EPHB1: variants seen among roughly 807,000 people sequenced by gnomAD.
EPHB1 encodes ephrin type-B receptor 1.
Under a neutral mutation model 94.4 loss-of-function variants are expected in EPHB1, and 30 were observed. That is an observed-to-expected ratio of 0.32 (90% CI 0.24 to 0.43). The LOEUF (loss-of-function observed/expected upper bound fraction) is 0.43. Ranked by LOEUF, EPHB1 falls within the 20% of genes least tolerant of loss-of-function variation. The pLI, the probability that EPHB1 is intolerant of heterozygous loss-of-function variation, is 1.00. For synonymous variants in EPHB1, 522 were observed against 489.1 expected, an observed-to-expected ratio of 1.07 and a Z score of -0.89; for missense variants, 1,055 against 1,308.3, an observed-to-expected ratio of 0.81 and a Z score of 2.99.
chr3:134,952,405 A>C (rs928324921), intron 3 of EPHB1, among the ~76,000 whole-genome samples: 35 of 148,982 alleles, frequency 2.3e-4, no homozygotes, highest in Non-Finnish European at 4.6e-4. Flanking sequence ...ACACACACAC[A>C]CCCCTATATC....
intron 3 of EPHB1, among the ~76,000 whole-genome samples, chr3:134,959,966 CTTTTTTTTTTTTTTTTTTT>C (rs61369813): frequency 7.1e-4 from 76 of 107,408 alleles, no homozygotes; most frequent in East Asian, 1.2e-3. Context: ...ACATCTGCAC[CTTTTTTTTTTTTTTTTTTT>C]TTTTTTTTTT....
intron 3 of EPHB1, among the ~76,000 whole-genome samples, chr3:135,032,718 T>A (rs1244977101): frequency 1.3e-5 from 2 of 152,238 alleles, no homozygotes; most frequent in Non-Finnish European, 2.9e-5. Flanking sequence ...TTTTCTCAGA[T>A]GCCTTACAAT....
intron 1 of EPHB1, among the ~76,000 whole-genome samples, chr3:134,916,807 CAAGGTGCAGCGGCAGGCTGAAGGGCTCCT>C (rs1476144711): frequency 6.6e-6 from 1 of 152,222 alleles, no homozygotes; most frequent in East Asian, 1.9e-4. Context: ...GAAGGGCTCC[CAAGGTGCAGCGGCAGGCTGAAGGGCTCCT>C]CAAGCGCGGC....
At chr3:134,947,829 C>G (rs1223287441) in intron 2 of EPHB1, among the ~76,000 whole-genome samples, 1 of 152,206 alleles carries the variant, frequency 6.6e-6, no homozygotes, top group African/African-American at 2.4e-5. Flanking sequence ...GAGTCTTGCT[C>G]TGTCACCCAG....
intron 3 of EPHB1, among the ~76,000 whole-genome samples, chr3:135,032,642 T>C (rs1936515789): frequency 6.6e-6 from 1 of 152,178 alleles, no homozygotes; most frequent in Non-Finnish European, 1.5e-5. Flanking sequence ...GATTGATGAA[T>C]GGGTGCCATT....
chr3:134,992,806 G>C (rs1274566663), intron 3 of EPHB1, among the ~76,000 whole-genome samples: 2 of 152,152 alleles, frequency 1.3e-5, no homozygotes, highest in East Asian at 3.8e-4. Context: ...GCAGGAAATG[G>C]AACAAAATCT....
intron 3 of EPHB1, among the ~76,000 whole-genome samples, chr3:134,969,468 G>T (rs1330836544): frequency 6.6e-6 from 1 of 152,182 alleles, no homozygotes; most frequent in Non-Finnish European, 1.5e-5. Flanking sequence ...AGGCAGGTGT[G>T]GCCATGAGGA....
chr3:134,828,951 G>A (rs113390669), intron 1 of EPHB1, among the ~76,000 whole-genome samples: 122 of 152,332 alleles, frequency 8.0e-4, no homozygotes, highest in African/African-American at 2.9e-3. Flanking sequence ...ATGAGCTGGA[G>A]GAAGCTGGCA....
chr3:135,078,727 G>C (rs1213287434), intron 3 of EPHB1, among the ~76,000 whole-genome samples: 1 of 152,208 alleles, frequency 6.6e-6, no homozygotes, highest in African/African-American at 2.4e-5. Context: ...TCATAGCAAA[G>C]AGCGGCCTGG....
chr3:134,958,058 G>A (rs1933350838), intron 3 of EPHB1, among the ~76,000 whole-genome samples: 1 of 152,054 alleles, frequency 6.6e-6, no homozygotes. Context: ...CTCCTTCCTG[G>A]CTGCTTCTTC....
intron 1 of EPHB1, among the ~76,000 whole-genome samples, chr3:134,870,455 T>G (rs186275966): frequency 6.6e-6 from 1 of 152,286 alleles, no homozygotes; most frequent in African/African-American, 2.4e-5. Flanking sequence ...AAAGGGGAGT[T>G]TTCCTGCCAT....
At chr3:135,142,695 T>C (rs1940867983) in intron 5 of EPHB1, among the ~76,000 whole-genome samples, 1 of 152,134 alleles carries the variant, frequency 6.6e-6, no homozygotes, top group African/African-American at 2.4e-5. Flanking sequence ...AGAGTCTAAG[T>C]GTGCCATGGA....
At chr3:135,234,470 T>G (rs1171436281) in intron 12 of EPHB1, among the ~76,000 whole-genome samples, 1 of 152,214 alleles carries the variant, frequency 6.6e-6, no homozygotes, top group African/African-American at 2.4e-5. Flanking sequence ...CTCTAAACTG[T>G]TCCAACCTCT....
In EPHB1 at chr3:135,079,771, AG is replaced by A. The variant is rs139841923; in HGVS notation, c.806-26675del. On this transcript the variant is annotated intron_variant, in intron 3 of 15. Transcript: ENST00000398015. ...ATCATTCCTGGGTACCCTGTCTCAG[AG>A]GCACTGCAGAGGAATCCAGAGACGT... Among the ~76,000 whole-genome samples the A allele has an allele frequency of 9.8e-3, 1,486 of 152,206 alleles. 20 individuals are homozygous for A. The highest frequency in any genetic ancestry group is 0.034 in the African/African-American group (1,429 of 41,548).
At chr3:134,839,215 C>T (rs1692814662) in intron 1 of EPHB1, among the ~76,000 whole-genome samples, 1 of 152,188 alleles carries the variant, frequency 6.6e-6, no homozygotes, top group African/African-American at 2.4e-5. Flanking sequence ...TGTCTTTCTT[C>T]CCTCACTGCC....
At chr3:134,997,095 A>T (rs890205570) in intron 3 of EPHB1, among the ~76,000 whole-genome samples, 4 of 152,164 alleles carry the variant, frequency 2.6e-5, no homozygotes, top group African/African-American at 9.7e-5. Flanking sequence ...GCAGGGATTC[A>T]TTTAGGGATT....
intron 5 of EPHB1, among the ~76,000 whole-genome samples, chr3:135,151,872 A>AG (rs768613301): frequency 6.6e-6 from 1 of 152,260 alleles, no homozygotes; most frequent in African/African-American, 2.4e-5. Context: ...ACAAAAGATG[A>AG]GGAGCATACC....
At chr3:135,122,289 C>G (rs1939998829) in intron 4 of EPHB1, among the ~76,000 whole-genome samples, 1 of 152,184 alleles carries the variant, frequency 6.6e-6, no homozygotes, top group African/African-American at 2.4e-5. Flanking sequence ...GGCTAAGACT[C>G]AGCCCCAGTT....
chr3:134,946,460 G>A (rs535765281), intron 2 of EPHB1, among the ~76,000 whole-genome samples: 1 of 152,116 alleles, frequency 6.6e-6, no homozygotes, highest in Non-Finnish European at 1.5e-5. Context: ...ACCTGCCTTT[G>A]TTTGGCCCAG....
Sources: allele counts gnomAD v4.1 joint callset (sites outside exome capture counted in the v4.1 genomes callset), GRCh38; gene constraint gnomAD v4.1.1; transcripts MANE v1.5; gene names NCBI Gene and HGNC (gene_info 2026-07-23, HGNC 2026-07-21).